Variants in ST3GAL3 observed in about 807,000 individuals in gnomAD.
The protein encoded by ST3GAL3 is ST3 beta-galactoside alpha-2,3-sialyltransferase 3.
Under a neutral mutation model 50.1 loss-of-function variants are expected in ST3GAL3, and 21 were observed. The ratio of observed to expected loss-of-function variants is 0.42; its 90% CI spans 0.30 to 0.60. ST3GAL3 has a LOEUF of 0.60. Ranked by LOEUF, ST3GAL3 falls within the 20% of genes least tolerant of loss-of-function variation. The pLI, the probability that ST3GAL3 is intolerant of heterozygous loss-of-function variation, is 0.19. For missense variants in ST3GAL3, 353 were observed against 489.4 expected, an observed-to-expected ratio of 0.72 and a Z score of 2.63; for synonymous variants, 183 against 190.0, an observed-to-expected ratio of 0.96 and a Z score of 0.30.
At chr1:43,780,627 T>C (rs1699055845) in intron 2 of ST3GAL3, among the ~76,000 whole-genome samples, 1 of 147,468 alleles carries the variant, frequency 6.8e-6, no homozygotes, top group Non-Finnish European at 1.5e-5. Flanking sequence ...TTGTTCTATA[T>C]TGTGAGAAAT....
At chr1:43,831,701 T>C (rs1047907994) in intron 4 of ST3GAL3, 1 of 152,256 alleles carries the variant, frequency 6.6e-6, no homozygotes, top group Non-Finnish European at 1.5e-5. Context: ...GGCTGCGCTA[T>C]CCTTCCTGAG....
chr1:43,819,786 C>T (rs185486309), intron 4 of ST3GAL3, among the ~76,000 whole-genome samples: 129 of 152,282 alleles, frequency 8.5e-4, no homozygotes, highest in Non-Finnish European at 4.7e-4. Context: ...ACTCCCCCCT[C>T]TAGTAGTACC....
At chr1:43,754,195 T>G (rs1687212265) in intron 2 of ST3GAL3, among the ~76,000 whole-genome samples, 1 of 152,154 alleles carries the variant, frequency 6.6e-6, no homozygotes. Flanking sequence ...GGAATTGTGT[T>G]TGTTTGCTTT....
At chr1:43,796,722 A>G (rs1336891052) in intron 3 of ST3GAL3, among the ~76,000 whole-genome samples, 3 of 152,264 alleles carry the variant, frequency 2.0e-5, no homozygotes, top group Non-Finnish European at 4.4e-5. Context: ...ATGAAGAACC[A>G]GGAAAATTTG....
rs191925310 is a variant in ST3GAL3, at chr1:43,783,635, C to T, written c.119-8467C>T. Among the ~76,000 whole-genome samples the T allele has an allele frequency of 5.6e-3, 852 of 152,204 alleles. 9 individuals are homozygous for T. Among genetic ancestry groups the T allele is most frequent in the African/African-American group, 0.02 (816 of 41,516 alleles). On this transcript the variant is annotated intron_variant, in intron 2 of 11. Coordinates refer to ENST00000347631, the MANE Select transcript of ST3GAL3 (RefSeq NM_006279.5). ...CCCCTGAGCTCCAAACCTTATATAC[C>T]ATCTTACTCTCAGTTTCAGCAGCAC...
intron 2 of ST3GAL3, among the ~76,000 whole-genome samples, chr1:43,776,478 A>G (rs540088317): frequency 1.2e-4 from 18 of 152,272 alleles, no homozygotes; most frequent in African/African-American, 4.3e-4. Flanking sequence ...TGAATGGATA[A>G]ATATGGATGA....
chr1:43,838,339 C>T, intron 5 of ST3GAL3, 28 bp downstream of exon 5: 2 of 1,600,168 alleles, frequency 1.2e-6, no homozygotes, highest in Non-Finnish European at 1.7e-6. Flanking sequence ...CCTCCACTGC[C>T]TAGACAGCCT....
chr1:43,723,738 A>C (rs970214886), intron 1 of ST3GAL3, among the ~76,000 whole-genome samples: 10 of 151,888 alleles, frequency 6.6e-5, no homozygotes, highest in African/African-American at 4.8e-5. Flanking sequence ...CAGCTTCCCA[A>C]GTATTTGGGT....
chr1:43,716,662 A>G (rs1667549042), intron 1 of ST3GAL3: 1 of 151,616 alleles, frequency 6.6e-6, no homozygotes, highest in African/African-American at 2.4e-5. Context: ...GGTACCACAC[A>G]CTCTACACTG....
At chr1:43,865,629 A>G (rs1020704789) in intron 5 of ST3GAL3, among the ~76,000 whole-genome samples, 1 of 152,206 alleles carries the variant, frequency 6.6e-6, no homozygotes, top group South Asian at 2.1e-4. Context: ...ATGATGGTAA[A>G]TGAAAGTCTA....
chr1:43,920,479 C>T lies in ST3GAL3; in HGVS notation c.820C>T (p.Pro274Ser), dbSNP rs141277311. 6.2e-7 allele frequency: 1 copy of T among 1,614,078 alleles called. No individual in the cohort carries two copies. Among genetic ancestry groups the T allele is most frequent in the African/African-American group, 1.3e-5 (1 of 74,924 alleles). ...KEPPEIRILN[P>S]YFIQEAAFTL... ...GCCCCCTGAGATTCGAATCCTCAAC[C>T]CATATTTCATCCAGGAGGCCGCCTT... is the stretch of plus-strand genomic sequence containing the variant. Residue 274 changes from proline to serine, a missense_variant, in exon 10 of 12, where the codon CCA (proline) becomes TCA (serine). By Grantham distance (74) the Pro-to-Ser change is moderately conservative. Coordinates refer to ENST00000347631, the MANE Select transcript of ST3GAL3 (RefSeq NM_006279.5).
intron 4 of ST3GAL3, 152 bp downstream of exon 4, chr1:43,815,085 T>C (rs1457967211): frequency 3.7e-6 from 3 of 816,374 alleles, no homozygotes; most frequent in African/African-American, 3.4e-5. Flanking sequence ...TCTTGGGGCA[T>C]GTTACAGTCT....
intron 3 of ST3GAL3, among the ~76,000 whole-genome samples, chr1:43,809,646 A>G (rs2060299898): frequency 6.6e-6 from 1 of 151,624 alleles, no homozygotes; most frequent in South Asian, 2.1e-4. Context: ...GCAGTGAGCT[A>G]TGATTGTGCC....
At chr1:43,828,814 G>T (rs1558485378) in intron 4 of ST3GAL3, among the ~76,000 whole-genome samples, 1 of 152,132 alleles carries the variant, frequency 6.6e-6, no homozygotes, top group Admixed American at 6.5e-5. Flanking sequence ...TGGTGGGAAT[G>T]GTTTGGCCAC....
At chr1:43,817,641 TCTCCTC>T (rs150373636) in intron 4 of ST3GAL3, among the ~76,000 whole-genome samples, 4,748 of 66,528 alleles carry the variant, frequency 0.071, 425 homozygotes, top group African/African-American at 0.22. Flanking sequence ...TCCTCCTCCT[TCTCCTC>T]CTCCTCCTTC....
chr1:43,904,921 GCCACTCTTCCTCCCCTTCCTCCTTT>G (rs2078972001), intron 9 of ST3GAL3, among the ~76,000 whole-genome samples: 1 of 2,144 alleles, frequency 4.7e-4, no homozygotes. Flanking sequence ...TCCTCTTCCC[GCCACTCTTCCTCCCCTTCCTCCTTT>G]CTGCCACTCT....
intron 11 of ST3GAL3, among the ~76,000 whole-genome samples, 171 bp downstream of exon 11, chr1:43,921,099 C>T (rs2082955839): frequency 6.6e-6 from 1 of 152,076 alleles, no homozygotes; most frequent in African/African-American, 2.4e-5. Flanking sequence ...AACCCAGGGC[C>T]TTCTCCCTGA....
intron 3 of ST3GAL3, among the ~76,000 whole-genome samples, chr1:43,804,999 C>G (rs1165232732): frequency 1.3e-5 from 2 of 152,220 alleles, no homozygotes; most frequent in African/African-American, 2.4e-5. Flanking sequence ...AATACCAACT[C>G]TGTGCCAGAT....
At chr1:43,894,313 G>T (rs1019029149) in intron 5 of ST3GAL3, 70 bp from the exon 6 acceptor site, 13 of 1,481,850 alleles carry the variant, frequency 8.8e-6, no homozygotes, top group African/African-American at 1.4e-5. Context: ...CAAGACCGAC[G>T]TACGGAAGTG....
Sources: allele counts gnomAD v4.1 joint callset (sites outside exome capture counted in the v4.1 genomes callset), GRCh38; gene constraint gnomAD v4.1.1; transcripts MANE v1.5; gene names NCBI Gene and HGNC (gene_info 2026-07-23, HGNC 2026-07-21).